TMCO4: variants seen among roughly 807,000 people sequenced by gnomAD.
The protein encoded by TMCO4 is transmembrane and coiled-coil domain-containing protein 4.
TMCO4 carries 58 observed loss-of-function variants against 64.7 expected under a neutral mutation model. That is an observed-to-expected ratio of 0.90 (90% CI 0.73 to 1.12). The LOEUF is 1.12. TMCO4 is among the 50% of genes most tolerant of loss of function. The pLI is 0.00. For missense variants in TMCO4, 780 were observed against 825.9 expected (o/e 0.94, Z 0.68); for synonymous variants, 325 against 346.1 (o/e 0.94, Z 0.68).
intron 4 of TMCO4, among the ~76,000 whole-genome samples, chr1:19,773,937 C>CT (rs970989728): frequency 6.6e-6 from 1 of 152,162 alleles, no homozygotes; most frequent in Non-Finnish European, 1.5e-5. Context: ...TGGAAATTGG[C>CT]TTTGTGTCCT....
chr1:19,702,550 G>T (rs1226066401), intron 13 of TMCO4, among the ~76,000 whole-genome samples: 1 of 152,018 alleles, frequency 6.6e-6, no homozygotes, highest in East Asian at 1.9e-4. Context: ...GCTGAGAATG[G>T]GCCACTGCAC....
intron 6 of TMCO4, among the ~76,000 whole-genome samples, chr1:19,765,901 A>C (rs2100997086): frequency 6.6e-6 from 1 of 152,330 alleles, no homozygotes; most frequent in East Asian, 1.9e-4. Flanking sequence ...ATCCTGCAGC[A>C]CAGATAGCCT....
At chr1:19,737,778 A>C (rs2095462295) in intron 12 of TMCO4, among the ~76,000 whole-genome samples, 1 of 152,250 alleles carries the variant, frequency 6.6e-6, no homozygotes, top group Non-Finnish European at 1.5e-5. Flanking sequence ...AGTCAATTAC[A>C]AGAGCAACTT....
At chr1:19,750,303 T>C (rs2041970403) in intron 7 of TMCO4, 1 of 152,156 alleles carries the variant, frequency 6.6e-6, no homozygotes, top group Non-Finnish European at 1.5e-5. Flanking sequence ...GACGGGAACG[T>C]GCAACTAGAC....
chr1:19,690,121 C>A (rs867524822), intron 15 of TMCO4, among the ~76,000 whole-genome samples: 4 of 152,236 alleles, frequency 2.6e-5, no homozygotes, highest in South Asian at 2.1e-4. Flanking sequence ...CACTCATCCC[C>A]TCTCTGCAAA....
chr1:19,779,551 A>C (rs760943582), intron 4 of TMCO4, among the ~76,000 whole-genome samples: 7 of 152,340 alleles, frequency 4.6e-5, no homozygotes, highest in Non-Finnish European at 8.8e-5. Flanking sequence ...ACTGTCAATG[A>C]TAGAGATGAA....
chr1:19,746,689 C>G, intron 8 of TMCO4, 90 bp from the exon 9 acceptor site: 2 of 1,454,156 alleles, frequency 1.4e-6, no homozygotes, highest in Non-Finnish European at 1.9e-6. Flanking sequence ...CTTTGGGAGG[C>G]CGAGGTGGGC....
chr1:19,770,490 C>G (rs189842482), intron 6 of TMCO4, 52 bp downstream of exon 6: 2 of 1,609,974 alleles, frequency 1.2e-6, no homozygotes, highest in Non-Finnish European at 1.7e-6. Flanking sequence ...CTTTGCTAGC[C>G]AAGGGTGCAG....
chr1:19,746,945 AC>A (rs984595051), intron 8 of TMCO4, among the ~76,000 whole-genome samples: 12 of 150,008 alleles, frequency 8.0e-5, no homozygotes, highest in African/African-American at 2.7e-4. Context: ...AAAAAAAAAA[AC>A]GTGGCTTGAT....
intron 7 of TMCO4, among the ~76,000 whole-genome samples, chr1:19,755,380 G>A (rs2042201252): frequency 6.6e-6 from 1 of 152,188 alleles, no homozygotes; most frequent in African/African-American, 2.4e-5. Context: ...CCTGCAGGGT[G>A]CTGGGATTAC....
At chr1:19,722,635 G>C (rs1034166657) in intron 13 of TMCO4, among the ~76,000 whole-genome samples, 2 of 152,138 alleles carry the variant, frequency 1.3e-5, no homozygotes, top group Non-Finnish European at 2.9e-5. Flanking sequence ...TTATAGTTTA[G>C]GAGTAGAAAG....
rs2041618064 is a variant in TMCO4, at chr1:19,743,399, T to A, written c.877+2133A>T. On this transcript the variant is annotated intron_variant, in intron 10 of 15. Transcript: ENST00000294543. This position sits in a 1 kb window ranked among gnomAD's most constrained non-coding sequence, Gnocchi z 4.1. ...TCCAAAGAAAGTCCGGTCATTCCTA[T>A]CACATGGAAAAAGCAATCAGGTGAT... Among the ~76,000 whole-genome samples, 1 of 152,212 alleles carries A rather than the reference T, an allele frequency of 6.6e-6. No individual in the cohort carries two copies. Among genetic ancestry groups the A allele is most frequent in the Admixed American group, 6.5e-5 (1 of 15,288 alleles).
At chr1:19,749,471 G>A (rs1435609487) in intron 7 of TMCO4, among the ~76,000 whole-genome samples, 1 of 151,968 alleles carries the variant, frequency 6.6e-6, no homozygotes, top group East Asian at 1.9e-4. Context: ...AGGTTCAAGT[G>A]GTCCTCCCAC....
intron 13 of TMCO4, among the ~76,000 whole-genome samples, chr1:19,725,275 T>C (rs536447993): frequency 2.4e-4 from 37 of 152,314 alleles, no homozygotes; most frequent in Admixed American, 4.6e-4. Context: ...GTCAACTGCA[T>C]GGACAGGCCC....
At chr1:19,749,056 G>C (rs764752193) in intron 7 of TMCO4, among the ~76,000 whole-genome samples, 2 of 152,186 alleles carry the variant, frequency 1.3e-5, no homozygotes, top group Non-Finnish European at 2.9e-5. Flanking sequence ...TCATGATACT[G>C]GTTTTCCACA....
Position 19,706,185 on chromosome 1 carries a change from G to C in TMCO4, c.1265-5300C>G, listed in dbSNP as rs74401322. On this transcript the variant is annotated intron_variant, in intron 13 of 15. Coordinates refer to ENST00000294543, the MANE Select transcript of TMCO4 (RefSeq NM_181719.7). ...TCCTAAAGTGCTGGGATTTATAAGA[G>C]TGAGCCACCGCATCTGGCCCAGGTA... Among the ~76,000 whole-genome samples the C allele has an allele frequency of 7.5e-3, 1,142 of 152,292 alleles. 14 individuals are homozygous for C. Among genetic ancestry groups the C allele is most frequent in the South Asian group, 0.022 (104 of 4,822 alleles).
In TMCO4 at chr1:19,682,442, A is replaced by G. The variant is rs529964429; in HGVS notation, c.*598T>C. 1.7e-6 allele frequency: 1 copy of G among 590,074 alleles called. No homozygotes were observed. The highest frequency in any genetic ancestry group is 2.1e-5 in the South Asian group (1 of 48,746). The allele number at this position is 590,074 out of a possible 1,614,324, so 36.6% of individuals were successfully genotyped here. A position where few individuals can be genotyped will look rare whatever the true frequency, so the allele number is the denominator to read the frequency against. On this transcript the variant is annotated 3_prime_UTR_variant, in exon 16 of 16. Transcript: ENST00000294543. ...CACTCACATTGTGTCTGTGTGACTCATGTCCCTGGAGTTATGCAGCGCACA... is the reference window on the plus strand; with the variant it reads ...CACTCACATTGTGTCTGTGTGACTCGTGTCCCTGGAGTTATGCAGCGCACA...
At chr1:19,767,296 A>G (rs1472076276) in intron 6 of TMCO4, among the ~76,000 whole-genome samples, 1 of 152,224 alleles carries the variant, frequency 6.6e-6, no homozygotes. Flanking sequence ...ACAGTGATTG[A>G]CAAGAGCCAG....
intron 3 of TMCO4, among the ~76,000 whole-genome samples, chr1:19,782,912 G>A (rs1432591974): frequency 1.3e-5 from 2 of 152,182 alleles, no homozygotes; most frequent in Admixed American, 1.3e-4. Context: ...ACCTACAGAT[G>A]GGACCATACA....
Sources: gnomAD v4.1 joint callset for allele counts (sites outside exome capture counted in the v4.1 genomes callset) on GRCh38, gnomAD v4.1.1 for gene constraint, Gnocchi (gnomAD v3.1) non-coding constraint, MANE v1.5 for transcripts, NCBI Gene and HGNC (gene_info 2026-07-23, HGNC 2026-07-21) for gene names.